AKAP7: variants seen among roughly 807,000 people sequenced by gnomAD.
AKAP7 encodes the protein A kinase (PRKA) anchor protein 7.
AKAP7 carries 39 observed loss-of-function variants against 39.5 expected under a neutral mutation model. That is an observed-to-expected ratio of 0.99 (90% CI 0.76 to 1.29). The LOEUF (loss-of-function observed/expected upper bound fraction) is 1.29. Ranked by LOEUF, AKAP7 falls within the 50% of genes most tolerant of loss-of-function variation. AKAP7 has a pLI of 0.00. For missense variants in AKAP7, 414 were observed against 407.7 expected (o/e 1.02, Z -0.13); for synonymous variants, 140 against 139.1 (o/e 1.01, Z -0.05).
chr6:131,280,990 C>G (rs1815151359), intron 7 of AKAP7, among the ~76,000 whole-genome samples: 1 of 152,138 alleles, frequency 6.6e-6, no homozygotes, highest in African/African-American at 2.4e-5. Context: ...GTCTTACAAG[C>G]TTACTTTAAA....
intron 7 of AKAP7, among the ~76,000 whole-genome samples, chr6:131,233,133 G>A (rs1810766288): frequency 6.7e-6 from 1 of 149,206 alleles, no homozygotes; most frequent in Non-Finnish European, 1.5e-5. Flanking sequence ...GTATAATATA[G>A]TGTTATTTTA....
At chr6:131,197,209 T>TA (rs1807027211) in intron 5 of AKAP7, among the ~76,000 whole-genome samples, 1 of 152,212 alleles carries the variant, frequency 6.6e-6, no homozygotes, top group Admixed American at 6.5e-5. Context: ...TATGGTTATT[T>TA]ATCAACCATT....
chr6:131,267,998 G>GGGAA (rs1813955566), intron 7 of AKAP7, among the ~76,000 whole-genome samples: 2 of 152,106 alleles, frequency 1.3e-5, no homozygotes, highest in Non-Finnish European at 2.9e-5. Context: ...ATGAAAGCAT[G>GGGAA]GGAAGGAAGG....
chr6:131,245,412 GTT>G (rs71802064), intron 7 of AKAP7, among the ~76,000 whole-genome samples: 2 of 139,808 alleles, frequency 1.4e-5, no homozygotes, highest in African/African-American at 2.6e-5. Flanking sequence ...GCCCAGCTAC[GTT>G]TTTTTTTTTG....
intron 1 of AKAP7, among the ~76,000 whole-genome samples, chr6:131,136,201 A>G (rs1361189820): frequency 6.6e-6 from 1 of 152,140 alleles, no homozygotes; most frequent in Non-Finnish European, 1.5e-5. Flanking sequence ...GAACCACCAT[A>G]CTGTCTCATT....
rs1585198848 is a variant in AKAP7, at chr6:131,261,066, C to G, written c.851-20464C>G. Among the ~76,000 whole-genome samples the G allele has an allele frequency of 2.6e-5, 4 of 152,174 alleles. No homozygotes were observed. The South Asian group carries it at 8.3e-4, about 32-fold the overall frequency. On this transcript the variant is annotated intron_variant, in intron 7 of 7. Transcript: ENST00000431975. ...ACAAAGTTAGCTGGGCGTAGTGGCA[C>G]ATGCCTGTAATCGCAGCTACTCAGC...
chr6:131,135,923 G>C, intron 1 of AKAP7, 141 bp downstream of exon 1: 3 of 1,012,090 alleles, frequency 3.0e-6, no homozygotes, highest in Non-Finnish European at 3.7e-6. Flanking sequence ...AAGGACTCAG[G>C]GTAGCACCGA....
Position 131,282,120 on chromosome 6 carries a change from C to A in AKAP7, c.*394C>A, listed in dbSNP as rs1365563757. 3 of 1,166,954 alleles carry A rather than the reference C, an allele frequency of 2.6e-6. No individual in the cohort carries two copies. The highest frequency in any genetic ancestry group is 3.2e-6 in the Non-Finnish European group (3 of 947,344). 72.3% of individuals were successfully genotyped at this position (1,166,954 alleles called of 1,614,324 possible). A position where few individuals can be genotyped will look rare whatever the true frequency, so the allele number is the denominator to read the frequency against. On this transcript the variant is annotated 3_prime_UTR_variant, in exon 8 of 8. Transcript: ENST00000431975. ...ACTTTATCTGAGGCCAGAACTCTCA[C>A]ACACAGCTATCAAGTGCTAAGTTTA...
At chr6:131,254,239 GGAAATAT>G (rs1812674410) in intron 7 of AKAP7, among the ~76,000 whole-genome samples, 1 of 152,094 alleles carries the variant, frequency 6.6e-6, no homozygotes, top group African/African-American at 2.4e-5. Context: ...AAAAATTACT[GGAAATAT>G]TATAGGTTTA....
chr6:131,176,755 TG>T (rs1430913763), intron 5 of AKAP7, among the ~76,000 whole-genome samples: 2 of 152,214 alleles, frequency 1.3e-5, no homozygotes, highest in Non-Finnish European at 2.9e-5. Flanking sequence ...GTTCAGTTTC[TG>T]GTATCTTTAG....
rs79772772 is a variant in AKAP7 at position 131,233,295 on chromosome 6, G to C, written c.850+13487G>C. Among the ~76,000 whole-genome samples, 1,114 of 152,276 alleles carry C rather than the reference G, an allele frequency of 7.3e-3. 11 individuals are homozygous for C. The highest frequency in any genetic ancestry group is 0.026 in the African/African-American group (1,072 of 41,548). On this transcript the variant is annotated intron_variant, in intron 7 of 7. Transcript: ENST00000431975. ...AGCTCAAACTACAGAGGAAAGCATA[G>C]TGACCAGAAGTTCCTACAATCAGGC...
chr6:131,174,195 A>G (rs1481576581), intron 5 of AKAP7, among the ~76,000 whole-genome samples: 1 of 152,178 alleles, frequency 6.6e-6, no homozygotes, highest in Non-Finnish European at 1.5e-5. Context: ...TTATGTGTGT[A>G]TTGTACTATT....
intron 4 of AKAP7, 55 bp downstream of exon 4, chr6:131,165,272 G>C: frequency 7.3e-7 from 1 of 1,360,580 alleles, no homozygotes; most frequent in South Asian, 1.3e-5. Context: ...TTTAATATGA[G>C]TAAGCACAGC....
At chr6:131,247,898 G>A (rs1307933662) in intron 7 of AKAP7, among the ~76,000 whole-genome samples, 1 of 152,130 alleles carries the variant, frequency 6.6e-6, no homozygotes, top group Non-Finnish European at 1.5e-5. Context: ...CCAAAGTGCT[G>A]GCATTATAGG....
intron 5 of AKAP7, among the ~76,000 whole-genome samples, chr6:131,192,232 T>TA (rs1562200426): frequency 1.3e-5 from 2 of 152,208 alleles, no homozygotes; most frequent in South Asian, 4.1e-4. Flanking sequence ...GGTCTAGATT[T>TA]AAGTCTTTAA....
intron 7 of AKAP7, among the ~76,000 whole-genome samples, chr6:131,245,439 G>GTT (rs889567020): frequency 1.8e-4 from 25 of 141,760 alleles, no homozygotes; most frequent in African/African-American, 6.2e-4. Context: ...TTTGTTTTTG[G>GTT]TTTTTTTTTT....
In AKAP7 at chr6:131,199,118, A is replaced by G. The variant is rs540127193; in HGVS notation, c.590-343A>G. On this transcript the variant is annotated intron_variant, in intron 5 of 7. Coordinates refer to ENST00000431975, the MANE Select transcript of AKAP7 (RefSeq NM_016377.4). Reference sequence around the variant, plus strand: ...AGATATGAAGGGTTTCAGATAAGCTAGTCCTTTTTTATACTCAGGGAAACC... The same window carrying G: ...AGATATGAAGGGTTTCAGATAAGCTGGTCCTTTTTTATACTCAGGGAAACC... Among the ~76,000 whole-genome samples, 118 of 152,326 alleles carry G rather than the reference A, an allele frequency of 7.7e-4. 1 individual carries two copies. Among genetic ancestry groups the G allele is most frequent in the Non-Finnish European group, 1.4e-3 (96 of 68,024 alleles).
intron 5 of AKAP7, chr6:131,185,044 T>G: frequency 1.4e-6 from 1 of 728,388 alleles, no homozygotes. Flanking sequence ...GCTTGACTGT[T>G]TGTCACAGGA....
At chr6:131,182,374 C>A (rs1247888924) in intron 5 of AKAP7, among the ~76,000 whole-genome samples, 1 of 152,174 alleles carries the variant, frequency 6.6e-6, no homozygotes, top group African/African-American at 2.4e-5. Context: ...GACTGTGTAG[C>A]TGCCTCATAG....
Sources: allele counts gnomAD v4.1 joint callset (sites outside exome capture counted in the v4.1 genomes callset), GRCh38; gene constraint gnomAD v4.1.1; transcripts MANE v1.5; gene names NCBI Gene and HGNC (gene_info 2026-07-23, HGNC 2026-07-21).